Variants in TAFA5 observed in about 807,000 individuals in gnomAD.
TAFA5 encodes chemokine-like protein TAFA-5.
In TAFA5, 6 loss-of-function variants were observed where a neutral mutation model predicts 15.3. That is an observed-to-expected ratio of 0.39 (90% CI 0.21 to 0.77). The LOEUF (loss-of-function observed/expected upper bound fraction) is 0.77. Among genes scored for constraint, TAFA5 ranks in the 30% least tolerant of loss-of-function variants. The probability of loss-of-function intolerance (pLI) is 0.41; values close to 1 mark genes in which losing one functional copy is unlikely to be tolerated. For missense variants in TAFA5, 161 were observed against 193.1 expected, an observed-to-expected ratio of 0.83 and a Z score of 0.98; for synonymous variants, 103 against 80.7, an observed-to-expected ratio of 1.28 and a Z score of -1.48.
chr22:48,557,584 G>A (rs777337384), intron 1 of TAFA5, among the ~76,000 whole-genome samples: 2 of 152,218 alleles, frequency 1.3e-5, no homozygotes, highest in Non-Finnish European at 2.9e-5. Flanking sequence ...CTGAGTGGGA[G>A]CCTGGTCTCG....
chr22:48,556,606 C>T (rs1223818671), intron 1 of TAFA5, among the ~76,000 whole-genome samples: 4 of 152,226 alleles, frequency 2.6e-5, no homozygotes, highest in African/African-American at 9.7e-5. Context: ...GCAGGGGATT[C>T]GTGTCCCTGG....
intron 2 of TAFA5, among the ~76,000 whole-genome samples, chr22:48,666,500 C>CCGGTGA (rs1245006478): frequency 6.6e-5 from 10 of 151,368 alleles, no homozygotes; most frequent in Admixed American, 3.3e-4. Context: ...AATACTGAGG[C>CCGGTGA]CCATGACCAG....
At chr22:48,579,241 T>G (rs754343483) in intron 1 of TAFA5, among the ~76,000 whole-genome samples, 27 of 152,132 alleles carry the variant, frequency 1.8e-4, no homozygotes, top group Non-Finnish European at 4.0e-4. Flanking sequence ...CCCAGCTTTG[T>G]GAGAACAGGT....
chr22:48,748,224 G>A (rs1338355630), intron 3 of TAFA5, among the ~76,000 whole-genome samples: 2 of 152,252 alleles, frequency 1.3e-5, no homozygotes, highest in African/African-American at 4.8e-5. Context: ...CCACAGCCCG[G>A]TGTGATGGCA....
chr22:48,618,508 G>A (rs1339727361), intron 1 of TAFA5, among the ~76,000 whole-genome samples: 1 of 152,222 alleles, frequency 6.6e-6, no homozygotes, highest in Non-Finnish European at 1.5e-5. Context: ...TAACGGATTG[G>A]CGTTGTTTCA....
At position 48,627,193 on chromosome 22, in the gene TAFA5, T is replaced by A. The variant is rs149472579; in HGVS notation, c.113-19404T>A. ...TTAAGCAGAAGAAACCTGATAATAGTTGAATTTTTCTGGAAGTTCAGTCTT... is the reference window on the plus strand; with the variant it reads ...TTAAGCAGAAGAAACCTGATAATAGATGAATTTTTCTGGAAGTTCAGTCTT... On this transcript the variant is annotated intron_variant, in intron 1 of 3. Transcript: ENST00000402357. Among the ~76,000 whole-genome samples, 22 of 152,352 alleles carry A rather than the reference T, an allele frequency of 1.4e-4. No individual in the cohort carries two copies. In the East Asian group the frequency reaches 4.2e-3, roughly 29 times the overall value.
At chr22:48,700,844 T>C (rs1350514387) in intron 2 of TAFA5, among the ~76,000 whole-genome samples, 1 of 152,198 alleles carries the variant, frequency 6.6e-6, no homozygotes, top group Non-Finnish European at 1.5e-5. Flanking sequence ...TGATCCTGTA[T>C]GGCAAACAAG....
rs1208524020 is a variant in TAFA5, at chr22:48,742,854, G to A, written c.391-6985G>A. On this transcript the variant is annotated intron_variant, in intron 3 of 3. Coordinates refer to ENST00000402357, the MANE Select transcript of TAFA5 (RefSeq NM_001082967.3). This position sits in a 1 kb window ranked among gnomAD's most constrained non-coding sequence, Gnocchi z 6.2. ...GAGCTCAGGTGCGATGAAGCCCAAG[G>A]GACTGACGGTGTGAGGAGGGCCCTC... Among the ~76,000 whole-genome samples, 1 of 152,168 alleles carries A rather than the reference G, an allele frequency of 6.6e-6. No individual in the cohort carries two copies. The highest frequency in any genetic ancestry group is 1.9e-4 in the East Asian group (1 of 5,178).
intron 2 of TAFA5, among the ~76,000 whole-genome samples, chr22:48,694,017 C>T (rs890298072): frequency 2.6e-5 from 4 of 152,136 alleles, no homozygotes; most frequent in East Asian, 1.9e-4. Context: ...TCAGGAAGCC[C>T]GTGGGCCCCT....
chr22:48,647,226 A>G lies in TAFA5; in HGVS notation c.262+480A>G, dbSNP rs530497315. ...TCGGGAGGCCGCAGCTCCGGCCCCCATGGGCTCTGAGCACATGCAGATGAG... is the reference window on the plus strand; with the variant it reads ...TCGGGAGGCCGCAGCTCCGGCCCCCGTGGGCTCTGAGCACATGCAGATGAG... On this transcript the variant is annotated intron_variant, in intron 2 of 3. Coordinates refer to ENST00000402357, the MANE Select transcript of TAFA5 (RefSeq NM_001082967.3). Among the ~76,000 whole-genome samples the G allele has an allele frequency of 5.9e-5, 9 of 152,208 alleles. No homozygotes were observed. The South Asian group carries it at 1.2e-3, about 21-fold the overall frequency.
At chr22:48,603,618 C>A (rs1925054304) in intron 1 of TAFA5, among the ~76,000 whole-genome samples, 1 of 152,212 alleles carries the variant, frequency 6.6e-6, no homozygotes. Context: ...CAAGGCACTG[C>A]CCTGGCCCTG....
rs60968007 is a variant in TAFA5, at chr22:48,734,289, G to A, written c.391-15550G>A. ...TGAAAGATGCCATAGACGCTGACATGGGGAGTGGAGGGCGAAATATCGTGA... is the reference window on the plus strand; with the variant it reads ...TGAAAGATGCCATAGACGCTGACATAGGGAGTGGAGGGCGAAATATCGTGA... On this transcript the variant is annotated intron_variant, in intron 3 of 3. Transcript: ENST00000402357. 5.4e-3 allele frequency among the ~76,000 whole-genome samples: 816 copies of A among 152,344 alleles called. 8 individuals are homozygous for A. The highest frequency in any genetic ancestry group is 0.016 in the African/African-American group (679 of 41,582).
intron 3 of TAFA5, among the ~76,000 whole-genome samples, chr22:48,714,069 C>T (rs776461672): frequency 2.6e-4 from 39 of 152,362 alleles, no homozygotes; most frequent in Non-Finnish European, 4.4e-4. Context: ...GTGCCAGGCC[C>T]TCGCCCAGGG....
At chr22:48,544,504 C>G (rs2147122619) in intron 1 of TAFA5, 2 of 366,530 alleles carry the variant, frequency 5.5e-6, no homozygotes, top group Admixed American at 3.4e-5. Context: ...GCACCACATG[C>G]TAATCTGGGC....
intron 3 of TAFA5, among the ~76,000 whole-genome samples, chr22:48,708,554 G>C (rs565859294): frequency 6.6e-6 from 1 of 152,222 alleles, no homozygotes; most frequent in African/African-American, 2.4e-5. Flanking sequence ...GGCAGAGGAG[G>C]GGAGCCCACG....
intron 1 of TAFA5, among the ~76,000 whole-genome samples, chr22:48,582,774 C>T (rs1924119985): frequency 7.4e-6 from 1 of 134,426 alleles, no homozygotes; most frequent in Non-Finnish European, 1.6e-5. Flanking sequence ...CAAAATACAC[C>T]ACACACACCA....
At chr22:48,620,935 C>CACCTACCCAGCCAATTTAT (rs1569051155) in intron 1 of TAFA5, among the ~76,000 whole-genome samples, 20 of 77,208 alleles carry the variant, frequency 2.6e-4, no homozygotes, top group South Asian at 4.4e-4. Context: ...CATCCATCCC[C>CACCTACCCAGCCAATTTAT]CCACCCACCC....
At chr22:48,665,007 C>T (rs940793913) in intron 2 of TAFA5, among the ~76,000 whole-genome samples, 1 of 152,178 alleles carries the variant, frequency 6.6e-6, no homozygotes, top group Non-Finnish European at 1.5e-5. Flanking sequence ...CAGAGTGTTT[C>T]TCAAAGCGAT....
chr22:48,621,276 C>T (rs1300914902), intron 1 of TAFA5, among the ~76,000 whole-genome samples: 1 of 147,606 alleles, frequency 6.8e-6, no homozygotes, highest in Non-Finnish European at 1.5e-5. Flanking sequence ...TCCACCCACT[C>T]ACCAGCCATC....
Sources: gnomAD v4.1 joint callset for allele counts (sites outside exome capture counted in the v4.1 genomes callset) on GRCh38, gnomAD v4.1.1 for gene constraint, Gnocchi (gnomAD v3.1) non-coding constraint, MANE v1.5 for transcripts, NCBI Gene and HGNC (gene_info 2026-07-23, HGNC 2026-07-21) for gene names.